The following TMEM94 variants were observed in gnomAD, a reference collection of about 807,000 sequenced individuals.
TMEM94 encodes transmembrane protein 94, also known as ER Mg2+ ATPase.
TMEM94 carries 81 observed loss-of-function variants against 158.6 expected under a neutral mutation model. That is an observed-to-expected ratio of 0.51 (90% CI 0.43 to 0.61). The LOEUF (loss-of-function observed/expected upper bound fraction) is 0.61, where lower values mean the gene tolerates loss of function less well. Ranked by LOEUF, TMEM94 falls within the 20% of genes least tolerant of loss-of-function variation. TMEM94 has a pLI of 0.00. For missense variants in TMEM94, 1,435 were observed against 1,762.0 expected (o/e 0.81, Z 3.32); for synonymous variants, 751 against 730.7 (o/e 1.03, Z -0.45).
In TMEM94 at chr17:75,498,639, C is replaced by T. The variant is rs756039242; in HGVS notation, c.3744C>T (p.Ser1248=). 2 of 1,611,120 alleles carry T rather than the reference C, an allele frequency of 1.2e-6. No individual in the cohort carries two copies. The highest frequency in any genetic ancestry group is 1.1e-5 in the South Asian group (1 of 90,588). Residue 1248 remains serine, a synonymous_variant, in exon 30 of 32, where the codon TCC becomes TCT. Coordinates refer to ENST00000314256, the MANE Select transcript of TMEM94 (RefSeq NM_014738.6). The surrounding 1 kb of genome is among the most constrained non-coding windows in gnomAD (Gnocchi z 6.7). ...ALIVLHTVFI[S]ITHVHRTKPL... ...CCCCACCTTCCCCAGTCTTCATTTC[C>T]ATCACCCATGTGCATCGCACCAAGC...
At chr17:75,463,242 G>A (rs1232990270) in intron 1 of TMEM94, among the ~76,000 whole-genome samples, 2 of 146,798 alleles carry the variant, frequency 1.4e-5, no homozygotes, top group African/African-American at 5.2e-5. Flanking sequence ...TTAAGTCTCA[G>A]TCTACTTCTT....
chr17:75,496,458 G>A lies in TMEM94; in HGVS notation c.3230G>A (p.Arg1077Gln), dbSNP rs139369870. The stretch of plus-strand genomic sequence containing the variant: ...CAGGAGGAGACCATCAGCATCATCC[G>A]GCTTATCGAACAGGTGGGTGCTTCG... ...FRQEETISII[R>Q]LIEQARHATY... Residue 1077 changes from arginine to glutamine, a missense_variant, in exon 24 of 32, where the codon CGG (arginine) becomes CAG (glutamine). By Grantham distance (43) the Arg-to-Gln change is conservative (BLOSUM62 1). Coordinates refer to ENST00000314256, the MANE Select transcript of TMEM94 (RefSeq NM_014738.6). The A allele has an allele frequency of 9.3e-6, 15 of 1,612,450 alleles. No homozygotes were observed. The highest frequency in any genetic ancestry group is 2.2e-5 in the East Asian group (1 of 44,842).
In TMEM94 at chr17:75,495,012, C is replaced by T. The variant is rs1054149515; in HGVS notation, c.2706C>T (p.Ser902=). The T allele has an allele frequency of 9.3e-6, 15 of 1,613,190 alleles. No individual in the cohort carries two copies. The highest frequency in any genetic ancestry group is 1.2e-5 in the Non-Finnish European group (14 of 1,180,010). The change falls in exon 20 of 32, where the codon TCC becomes TCT. Residue 902 remains serine (S), a synonymous_variant. Coordinates refer to ENST00000314256, the MANE Select transcript of TMEM94 (RefSeq NM_014738.6). This position sits in a 1 kb window ranked among gnomAD's most constrained non-coding sequence, Gnocchi z 5.6. ...IPPSSPSHAG[S]LHDDLNQVSR... Reference sequence around the variant, plus strand: ...CCTCCAGCCCCAGCCACGCAGGCTCCCTGCATGATGACCTGAATCAGGGTA... The same window carrying T: ...CCTCCAGCCCCAGCCACGCAGGCTCTCTGCATGATGACCTGAATCAGGGTA...
rs1180723796 is a variant in TMEM94, at chr17:75,463,178, G to GTGTGTATA, written c.-107+6428_-107+6429insGTGTATAT. Reference sequence around the variant, plus strand: ...TATATATATGTGTGTGTGTGTGTGTGTATATATATATATATATATACAGTT... The same window carrying GTGTGTATA: ...TATATATATGTGTGTGTGTGTGTGTGTGTGTATATATATATATATATATATATACAGTT... On this transcript the variant is annotated intron_variant, in intron 1 of 31. Coordinates refer to ENST00000314256, the MANE Select transcript of TMEM94 (RefSeq NM_014738.6). Among the ~76,000 whole-genome samples, 4 of 15,082 alleles carry GTGTGTATA rather than the reference G, an allele frequency of 2.7e-4. 1 individual carries two copies. The highest frequency in any genetic ancestry group is 6.6e-4 in the African/African-American group (4 of 6,060). 9.9% of individuals were successfully genotyped at this position (15,082 alleles called of 152,430 possible). A position where few individuals can be genotyped will look rare whatever the true frequency, so the allele number is the denominator to read the frequency against.
In TMEM94 at chr17:75,494,861, G is replaced by C. The variant is rs758890628; in HGVS notation, c.2590-35G>C. 16 of 1,613,036 alleles carry C rather than the reference G, an allele frequency of 9.9e-6. No homozygotes were observed. The South Asian group carries it at 1.5e-4, about 15-fold the overall frequency. Reference sequence around the variant, plus strand: ...ACTAACTCTGTTTCCACGGGCTTTTGGGCCCGTATGTTCATGGCCGTCTGC... The same window carrying C: ...ACTAACTCTGTTTCCACGGGCTTTTCGGCCCGTATGTTCATGGCCGTCTGC... On this transcript the variant is annotated intron_variant, in intron 19 of 31. Coordinates refer to ENST00000314256, the MANE Select transcript of TMEM94 (RefSeq NM_014738.6).
rs758322602 is a variant in TMEM94 at position 75,486,012 on chromosome 17, G to T, written c.272+14G>T. On this transcript the variant is annotated intron_variant, in intron 4 of 31. Coordinates refer to ENST00000314256, the MANE Select transcript of TMEM94 (RefSeq NM_014738.6). ...GCCAGCCGGGAGGTGTGCGCCCAGG[G>T]GCTGCTCCCCAACCTCTCCAGCTGT... 3.8e-5 allele frequency: 58 copies of T among 1,526,164 alleles called. No individual in the cohort carries two copies. Among genetic ancestry groups the T allele is most frequent in the Non-Finnish European group, 5.1e-5 (58 of 1,139,640 alleles). The allele number at this position is 1,526,164 out of a possible 1,614,324, so 94.5% of individuals were successfully genotyped here.
Position 75,488,024 on chromosome 17 carries a change from G to T in TMEM94, c.502G>T (p.Ala168Ser). Residue 168 changes from alanine to serine, a missense_variant, in exon 6 of 32, where the codon GCC becomes TCC. Around this residue, in one of 3 missense-constraint regions of TMEM94, gnomAD observed 1,051 missense variants for 1,254.4 expected, o/e 0.84. Transcript: ENST00000314256. ...PFAPSWSLHW[A>S]YRDGHLVNLP... ...TGCGCCATCCTGGTCCTTGCACTGG[G>T]CCTACAGAGACGGACACCTGGTCAA... 6.2e-7 allele frequency: 1 copy of T among 1,614,184 alleles called. No individual in the cohort carries two copies. The highest frequency in any genetic ancestry group is 8.5e-7 in the Non-Finnish European group (1 of 1,180,040).
chr17:75,497,019 CT>C (rs1250350904), intron 25 of TMEM94, 93 bp from the exon 26 acceptor site: 13 of 1,160,348 alleles, frequency 1.1e-5, no homozygotes, highest in Non-Finnish European at 1.7e-5. Flanking sequence ...ATGTGAGCAT[CT>C]ATCTGGGCCC....
At chr17:75,460,850 A>G (rs2050041094) in intron 1 of TMEM94, among the ~76,000 whole-genome samples, 1 of 152,076 alleles carries the variant, frequency 6.6e-6, no homozygotes, top group Non-Finnish European at 1.5e-5. Context: ...AACATTTTCC[A>G]TTGTAACCAG....
In TMEM94 at chr17:75,488,960, G is replaced by A. The variant is rs370868892; in HGVS notation, c.764+50G>A. On this transcript the variant is annotated intron_variant, in intron 7 of 31. Coordinates refer to ENST00000314256, the MANE Select transcript of TMEM94 (RefSeq NM_014738.6). ...CTGTCCCTGGTGTCTTCTGTGAAGA[G>A]GGGAATGGGACTGACAAGGAAGGGG... The A allele has an allele frequency of 3.0e-5, 46 of 1,519,802 alleles. No individual in the cohort carries two copies. In the African/African-American group the frequency reaches 5.3e-4, roughly 17 times the overall value. The allele number at this position is 1,519,802 out of a possible 1,614,324, so 94.1% of individuals were successfully genotyped here. A position where few individuals can be genotyped will look rare whatever the true frequency, so the allele number is the denominator to read the frequency against.
At chr17:75,484,417 G>A (rs1598379388) in intron 2 of TMEM94, among the ~76,000 whole-genome samples, 1 of 142,804 alleles carries the variant, frequency 7.0e-6, no homozygotes, top group East Asian at 2.1e-4. Flanking sequence ...TTGTTTTTTT[G>A]AGACAGGGTC....
At chr17:75,476,858 G>T in intron 2 of TMEM94, 1 of 1,463,364 alleles carries the variant, frequency 6.8e-7, no homozygotes. Context: ...ATGCAAAATG[G>T]GAGGCTGCTT....
chr17:75,499,273 G>T lies in TMEM94; in HGVS notation c.4010G>T (p.Arg1337Leu). 6.2e-7 allele frequency: 1 copy of T among 1,613,658 alleles called. No individual in the cohort carries two copies. The highest frequency in any genetic ancestry group is 1.1e-5 in the South Asian group (1 of 91,084). ...VKLHEIRVRV[R>L]YQKRQKLQFE... is the part of the protein sequence containing the mutation. Reference sequence around the variant, plus strand: ...TCCTGCCCCACCAGGGTCCGAGTCCGCTACCAGAAGCGACAGAAGCTGCAG... The same window carrying T: ...TCCTGCCCCACCAGGGTCCGAGTCCTCTACCAGAAGCGACAGAAGCTGCAG... Residue 1337 changes from arginine (R) to leucine (L), a missense_variant, in exon 32 of 32, where the codon CGC becomes CTC. This residue lies in a region of TMEM94 where 335 missense variants were observed against 409.1 expected (regional missense o/e 0.82). Transcript: ENST00000314256.
chr17:75,473,918 C>T (rs964710203), intron 2 of TMEM94, among the ~76,000 whole-genome samples: 2 of 152,114 alleles, frequency 1.3e-5, no homozygotes, highest in East Asian at 3.9e-4. Context: ...AGTTCGAGAC[C>T]AGCCTGGCCG....
rs189566590 is a variant in TMEM94 at position 75,486,156 on chromosome 17, G to C, written c.273-134G>C. 152 of 1,455,672 alleles carry C rather than the reference G, an allele frequency of 1.0e-4. No individual in the cohort carries two copies. In the African/African-American group the frequency reaches 1.7e-3, roughly 17 times the overall value. The allele number at this position is 1,455,672 out of a possible 1,614,324, so 90.2% of individuals were successfully genotyped here. On this transcript the variant is annotated intron_variant, in intron 4 of 31. Transcript: ENST00000314256. The stretch of plus-strand genomic sequence containing the variant: ...TCCCTTGAATGGGGTCAGAGGCCTA[G>C]CTGGTGTCAGGGCACCAGAACGGGA...
At chr17:75,478,476 G>A (rs942771169) in intron 2 of TMEM94, among the ~76,000 whole-genome samples, 25 of 152,072 alleles carry the variant, frequency 1.6e-4, no homozygotes, top group Non-Finnish European at 2.8e-4. Flanking sequence ...GTCGGCTCTC[G>A]AAGGCGCCTT....
At position 75,491,259 on chromosome 17, in the gene TMEM94, G is replaced by A. The variant is rs373681053; in HGVS notation, c.1234-44G>A. ...CTTGAGTGGCCCCTGGGCAGGATAG[G>A]CTAATGCCAGGCCCCTTTCCTATCT... On this transcript the variant is annotated intron_variant, in intron 12 of 31. Transcript: ENST00000314256. The surrounding 1 kb of genome is among the most constrained non-coding windows in gnomAD (Gnocchi z 5.1). The A allele has an allele frequency of 6.4e-7, 1 of 1,552,228 alleles. No homozygotes were observed. The highest frequency in any genetic ancestry group is 8.9e-7 in the Non-Finnish European group (1 of 1,126,926).
rs2052042143 is a variant in TMEM94, at chr17:75,490,227, T to G, written c.955-7T>G. On this transcript the variant is annotated splice_polypyrimidine_tract_variant and splice_region_variant and intron_variant, in intron 9 of 31. Coordinates refer to ENST00000314256, the MANE Select transcript of TMEM94 (RefSeq NM_014738.6). ...AGGAGCCATCTGTGTGGTCCGCTCC[T>G]TCCCAGGTGAATGGCGTCCTGCCCA... The G allele has an allele frequency of 2.5e-6, 4 of 1,613,970 alleles. No individual in the cohort carries two copies. In the South Asian group the frequency reaches 4.4e-5, roughly 18 times the overall value.
At chr17:75,468,637 G>A (rs11077790) in intron 1 of TMEM94, among the ~76,000 whole-genome samples, 83,656 of 152,024 alleles carry the variant, frequency 0.55, 26,256 homozygotes, top group Non-Finnish European at 0.71. Context: ...AGCCTTCGAG[G>A]CTGGCTCAGC....
Sources: gnomAD v4.1 joint callset for allele counts (sites outside exome capture counted in the v4.1 genomes callset) on GRCh38, gnomAD v4.1.1 for gene constraint, gnomAD v4.1.1 regional missense constraint, Gnocchi (gnomAD v3.1) non-coding constraint, MANE v1.5 for transcripts, NCBI Gene and HGNC (gene_info 2026-07-23, HGNC 2026-07-21) for gene names.